Variants in GNG12 observed in about 807,000 individuals in gnomAD.
GNG12 encodes the protein guanine nucleotide-binding protein G(I)/G(S)/G(O) subunit gamma-12.
For missense variants in GNG12, 69 were observed against 83.8 expected (o/e 0.82, Z 0.69); for synonymous variants, 28 against 29.7 (o/e 0.94, Z 0.19).
intron 2 of GNG12, among the ~76,000 whole-genome samples, chr1:67,746,243 C>A (rs1254030505): frequency 6.6e-6 from 1 of 152,172 alleles, no homozygotes; most frequent in African/African-American, 2.4e-5. Context: ...AGGCCAGAGC[C>A]TTCTTTTTTA....
At chr1:67,731,127 G>A (rs1482209862) in intron 2 of GNG12, among the ~76,000 whole-genome samples, 3 of 151,866 alleles carry the variant, frequency 2.0e-5, no homozygotes, top group Non-Finnish European at 2.9e-5. Flanking sequence ...CCCCCAGAAA[G>A]CCCTCCCCTC....
At chr1:67,746,094 T>G (rs1385794278) in intron 2 of GNG12, among the ~76,000 whole-genome samples, 3 of 152,248 alleles carry the variant, frequency 2.0e-5, no homozygotes, top group African/African-American at 7.2e-5. Context: ...TTGTATCATC[T>G]GACTCCTCTA....
Position 67,769,842 on chromosome 1 carries a change from A to ACT in GNG12, c.-27+7614_-27+7615dup, listed in dbSNP as rs199699703. Among the ~76,000 whole-genome samples, 904 of 146,978 alleles carry ACT rather than the reference A, an allele frequency of 6.2e-3. 9 individuals carry two copies. The highest frequency in any genetic ancestry group is 0.022 in the African/African-American group (847 of 39,382). On this transcript the variant is annotated intron_variant, in intron 2 of 3. Coordinates refer to ENST00000370982, the MANE Select transcript of GNG12 (RefSeq NM_018841.6). ...CACACTCACACTCACACTCACTCTC[A>ACT]CTCTCTCTCTCTCCTGAGATCCCAT...
At chr1:67,750,039 G>A (rs188862754) in intron 2 of GNG12, among the ~76,000 whole-genome samples, 53 of 152,208 alleles carry the variant, frequency 3.5e-4, no homozygotes, top group African/African-American at 1.2e-3. Flanking sequence ...TGAAACTCTG[G>A]GTACAGAAGG....
chr1:67,826,790 G>A (rs898895353), intron 1 of GNG12, among the ~76,000 whole-genome samples: 1 of 152,140 alleles, frequency 6.6e-6, no homozygotes, highest in Non-Finnish European at 1.5e-5. Flanking sequence ...ATGGATTTCA[G>A]TTTGAGTCTT....
intron 2 of GNG12, among the ~76,000 whole-genome samples, chr1:67,739,278 T>C (rs555033383): frequency 1.3e-5 from 2 of 152,368 alleles, no homozygotes; most frequent in East Asian, 3.9e-4. Flanking sequence ...CTTCCTCCTG[T>C]GGCATTCGCC....
chr1:67,807,191 T>G (rs1277957159), intron 1 of GNG12, among the ~76,000 whole-genome samples: 1 of 151,978 alleles, frequency 6.6e-6, no homozygotes, highest in African/African-American at 2.4e-5. Flanking sequence ...ATAAAATACA[T>G]GAGTCAAGGA....
intron 2 of GNG12, among the ~76,000 whole-genome samples, chr1:67,761,362 A>G (rs1460476539): frequency 6.6e-6 from 1 of 152,244 alleles, no homozygotes; most frequent in African/African-American, 2.4e-5. Context: ...AAGATTTCCA[A>G]GATAAACAGA....
At chr1:67,748,285 C>CA (rs1197565154) in intron 2 of GNG12, among the ~76,000 whole-genome samples, 1 of 152,132 alleles carries the variant, frequency 6.6e-6, no homozygotes, top group African/African-American at 2.4e-5. Flanking sequence ...GGTTACAGAT[C>CA]AAGAAAGAAA....
chr1:67,818,751 C>G (rs1001394607), intron 1 of GNG12, among the ~76,000 whole-genome samples: 6 of 152,218 alleles, frequency 3.9e-5, no homozygotes, highest in African/African-American at 7.2e-5. Flanking sequence ...CTGAGGATTT[C>G]TGTGTGGCCG....
intron 1 of GNG12, among the ~76,000 whole-genome samples, chr1:67,800,800 G>A (rs955577743): frequency 1.1e-4 from 17 of 152,086 alleles, no homozygotes; most frequent in African/African-American, 1.9e-4. Context: ...CAATGAAAAC[G>A]TCAAATAATA....
intron 1 of GNG12, among the ~76,000 whole-genome samples, chr1:67,779,349 A>G (rs1452770444): frequency 2.0e-5 from 3 of 152,158 alleles, no homozygotes; most frequent in Admixed American, 1.3e-4. Context: ...GGCCACTCAA[A>G]GTGCTGCCAC....
At chr1:67,755,983 G>C (rs1324494784) in intron 2 of GNG12, among the ~76,000 whole-genome samples, 1 of 152,068 alleles carries the variant, frequency 6.6e-6, no homozygotes, top group African/African-American at 2.4e-5. Context: ...AAAAATAAAA[G>C]TTTGAGCAGC....
chr1:67,817,787 C>CTTTTTTTTTTTTTTTTTT (rs66518207), intron 1 of GNG12, among the ~76,000 whole-genome samples: 5 of 108,256 alleles, frequency 4.6e-5, no homozygotes, highest in Admixed American at 2.0e-4. Flanking sequence ...TTCTTTCTTT[C>CTTTTTTTTTTTTTTTTTT]TTTTTTTTTT....
intron 2 of GNG12, among the ~76,000 whole-genome samples, chr1:67,775,315 A>C (rs1417367241): frequency 6.6e-6 from 1 of 152,238 alleles, no homozygotes; most frequent in East Asian, 1.9e-4. Flanking sequence ...GTTTTGTATA[A>C]ATTTCTTGTT....
At chr1:67,748,258 TG>T (rs1277239807) in intron 2 of GNG12, among the ~76,000 whole-genome samples, 2 of 152,340 alleles carry the variant, frequency 1.3e-5, no homozygotes, top group East Asian at 3.9e-4. Context: ...GTGGAAGTTC[TG>T]GGCATTTGGA....
intron 1 of GNG12, among the ~76,000 whole-genome samples, chr1:67,786,951 G>A (rs377467080): frequency 0.5 from 65,098 of 130,286 alleles, 15,376 homozygotes; most frequent in Middle Eastern, 0.56. Flanking sequence ...GTGTGTGTGT[G>A]TGTGTGTGTG....
intron 2 of GNG12, among the ~76,000 whole-genome samples, chr1:67,729,075 C>T (rs1646404064): frequency 6.6e-6 from 1 of 152,238 alleles, no homozygotes; most frequent in South Asian, 2.1e-4. Context: ...AGATCCTGGC[C>T]CTCCCTTGGG....
intron 1 of GNG12, among the ~76,000 whole-genome samples, chr1:67,827,922 T>C (rs574377095): frequency 1.2e-4 from 19 of 152,306 alleles, no homozygotes; most frequent in Middle Eastern, 3.4e-3. Context: ...CTCCAATAAA[T>C]GGAATAATCT....
Sources: allele counts gnomAD v4.1 joint callset (sites outside exome capture counted in the v4.1 genomes callset), GRCh38; gene constraint gnomAD v4.1.1; transcripts MANE v1.5; gene names NCBI Gene and HGNC (gene_info 2026-07-23, HGNC 2026-07-21).